The following ARHGAP5 variants were observed in gnomAD, a reference collection of about 807,000 sequenced individuals.
ARHGAP5 encodes the protein Rho GTPase activating protein 5, also known as rho GTPase-activating protein 5.
ARHGAP5 carries 23 observed loss-of-function variants against 116.6 expected under a neutral mutation model. The ratio of observed to expected loss-of-function variants is 0.20; its 90% CI spans 0.14 to 0.28. ARHGAP5 has a LOEUF of 0.28. Among genes scored for constraint, ARHGAP5 ranks in the 10% least tolerant of loss-of-function variants. The pLI, the probability that ARHGAP5 is intolerant of heterozygous loss-of-function variation, is 1.00. For synonymous variants in ARHGAP5, 574 were observed against 602.0 expected (o/e 0.95, Z 0.68); for missense variants, 1,405 against 1,774.8 (o/e 0.79, Z 3.74).
intron 3 of ARHGAP5, 28 bp from the exon 4 acceptor site, chr14:32,146,235 A>C (rs775705441): frequency 1.9e-5 from 29 of 1,519,654 alleles, no homozygotes; most frequent in Admixed American, 6.7e-5. Context: ...GTGTTTATTA[A>C]AGTATGCATA....
At chr14:32,148,163 A>AATCAATCT (rs1555359598) in intron 4 of ARHGAP5, among the ~76,000 whole-genome samples, 20 of 147,552 alleles carry the variant, frequency 1.4e-4, no homozygotes, top group Middle Eastern at 3.5e-3. Flanking sequence ...AAAAAAAAGA[A>AATCAATCT]ATCTATCTAT....
Position 32,089,232 on chromosome 14 carries a change from A to G in ARHGAP5, c.-168-1270A>G, listed in dbSNP as rs189598472. The stretch of plus-strand genomic sequence containing the variant: ...TCTTCACCATTAGTTAGTGTAACAT[A>G]TGTTCGGTGTAATTGAAATAGATGT... On this transcript the variant is annotated intron_variant, in intron 1 of 6. Transcript: ENST00000345122. Among the ~76,000 whole-genome samples, 5 of 152,076 alleles carry G rather than the reference A, an allele frequency of 3.3e-5. No individual in the cohort carries two copies. In the East Asian group the frequency reaches 9.7e-4, roughly 29 times the overall value.
At chr14:32,111,118 C>A (rs146924456) in intron 2 of ARHGAP5, among the ~76,000 whole-genome samples, 2 of 152,292 alleles carry the variant, frequency 1.3e-5, no homozygotes, top group East Asian at 3.9e-4. Context: ...AGAAGACAAT[C>A]AGAGCCTGGG....
intron 4 of ARHGAP5, among the ~76,000 whole-genome samples, chr14:32,147,725 CA>C (rs1377014123): frequency 1.3e-5 from 2 of 152,028 alleles, no homozygotes; most frequent in Non-Finnish European, 2.9e-5. Context: ...ACCAAGAAGC[CA>C]TGTAAAATAA....
At position 32,091,317 on chromosome 14, in the gene ARHGAP5, T is replaced by C. The variant is rs1391748605; in HGVS notation, c.648T>C (p.Ala216=). Residue 216 remains alanine, a synonymous_variant, in exon 2 of 7, where the codon GCT becomes GCC. Transcript: ENST00000345122. ...ATCTTAGAGAAGTTCAGGCATTTGC[T>C]TCAAATAAAAAGAACCTTCTTGTAG... ...DHYLREVQAF[A]SNKKNLLVVE... 2 of 1,613,580 alleles carry C rather than the reference T, an allele frequency of 1.2e-6. No individual in the cohort carries two copies. Among genetic ancestry groups the C allele is most frequent in the Middle Eastern group, 1.7e-4 (1 of 6,060 alleles).
chr14:32,154,527 A>G (rs1881803600), intron 6 of ARHGAP5, 94 bp from the exon 7 acceptor site: 1 of 1,086,104 alleles, frequency 9.2e-7, no homozygotes, highest in Non-Finnish European at 1.3e-6. Context: ...GTAGGATAAA[A>G]GGTAACATTA....
Position 32,158,934 on chromosome 14 carries a change from A to C in ARHGAP5, c.*3986A>C, listed in dbSNP as rs980019426. 6.6e-6 allele frequency: 1 copy of C among 152,020 alleles called. No homozygotes were observed. Among genetic ancestry groups the C allele is most frequent in the East Asian group, 1.9e-4 (1 of 5,198 alleles). 9.4% of individuals were successfully genotyped at this position (152,020 alleles called of 1,614,324 possible). A position where few individuals can be genotyped will look rare whatever the true frequency, so the allele number is the denominator to read the frequency against. On this transcript the variant is annotated 3_prime_UTR_variant, in exon 7 of 7. Coordinates refer to ENST00000345122, the MANE Select transcript of ARHGAP5 (RefSeq NM_001030055.2). ...TAACTTTGGGAGTCTTCACTATTCA[A>C]TTGATCCTCATCATTGTCCTATTTG...
chr14:32,143,001 T>G (rs1323504957), intron 3 of ARHGAP5, among the ~76,000 whole-genome samples: 2 of 152,210 alleles, frequency 1.3e-5, no homozygotes, highest in African/African-American at 4.8e-5. Flanking sequence ...TAATCTATTT[T>G]ATGACTTAAA....
chr14:32,125,612 A>G (rs1173023108), intron 3 of ARHGAP5, among the ~76,000 whole-genome samples: 1 of 152,202 alleles, frequency 6.6e-6, no homozygotes, highest in Non-Finnish European at 1.5e-5. Context: ...TAAGGGTTCA[A>G]ATTTCTCCAT....
At chr14:32,148,157 AAAAG>A (rs1881467842) in intron 4 of ARHGAP5, among the ~76,000 whole-genome samples, 1 of 128,840 alleles carries the variant, frequency 7.8e-6, no homozygotes, top group Non-Finnish European at 1.7e-5. Context: ...CATCTCAAAA[AAAAG>A]AAATCTATCT....
In ARHGAP5 at chr14:32,096,479, GCA is replaced by G. The variant is rs1221383352; in HGVS notation, c.3717+2095_3717+2096del. 5.3e-5 allele frequency among the ~76,000 whole-genome samples: 8 copies of G among 152,142 alleles called. No individual in the cohort carries two copies. In the East Asian group the frequency reaches 1.5e-3, roughly 29 times the overall value. The stretch of plus-strand genomic sequence containing the variant: ...GATGTGAGAAAAAAGGCATAAATAA[GCA>G]CTGAATAAAAAGGAGAACATAATTA... On this transcript the variant is annotated intron_variant, in intron 2 of 6. Coordinates refer to ENST00000345122, the MANE Select transcript of ARHGAP5 (RefSeq NM_001030055.2).
At chr14:32,146,196 C>A (rs1487571411) in intron 3 of ARHGAP5, 67 bp from the exon 4 acceptor site, 56 of 1,181,310 alleles carry the variant, frequency 4.7e-5, no homozygotes, top group Non-Finnish European at 6.2e-5. Context: ...CAAACATGAG[C>A]CACTGTGCCC....
At chr14:32,140,087 G>GTTTTTTTTTCTTTTTTTTTTTTTT (rs1881028802) in intron 3 of ARHGAP5, among the ~76,000 whole-genome samples, 1 of 29,854 alleles carries the variant, frequency 3.3e-5, no homozygotes, top group South Asian at 7.3e-4. Context: ...TTTTTTTTAG[G>GTTTTTTTTTCTTTTTTTTTTTTTT]TTATTTGTTC....
intron 3 of ARHGAP5, among the ~76,000 whole-genome samples, chr14:32,121,025 T>TTA (rs573694144): frequency 0.026 from 3,791 of 146,250 alleles, 170 homozygotes; most frequent in African/African-American, 0.089. Context: ...TTTTTTTTTT[T>TTA]TTTTTTTTGG....
In ARHGAP5 at chr14:32,158,285, A is replaced by C. The variant is rs1363087501; in HGVS notation, c.*3337A>C. 6.6e-6 allele frequency: 1 copy of C among 151,872 alleles called. No homozygotes were observed. The highest frequency in any genetic ancestry group is 1.9e-4 in the East Asian group (1 of 5,200). 9.4% of individuals were successfully genotyped at this position (151,872 alleles called of 1,614,324 possible). On this transcript the variant is annotated 3_prime_UTR_variant, in exon 7 of 7. Transcript: ENST00000345122. ...TATTATTGAATTTTCACTGTACCTG[A>C]AAAGGAGATTCAAAATTTTTTCTGG...
intron 2 of ARHGAP5, among the ~76,000 whole-genome samples, chr14:32,096,279 G>A (rs1878520826): frequency 6.6e-6 from 1 of 152,148 alleles, no homozygotes; most frequent in Non-Finnish European, 1.5e-5. Context: ...CCATACTGCT[G>A]CATAGTCTTT....
chr14:32,143,230 G>A (rs1312511296), intron 3 of ARHGAP5, among the ~76,000 whole-genome samples: 1,764 of 149,604 alleles, frequency 0.012, 41 homozygotes, highest in African/African-American at 0.043. Flanking sequence ...TGTTGTTGTT[G>A]TTGTTGTTGT....
At chr14:32,121,255 A>C (rs1879875723) in intron 3 of ARHGAP5, among the ~76,000 whole-genome samples, 1 of 151,794 alleles carries the variant, frequency 6.6e-6, no homozygotes, top group Admixed American at 6.6e-5. Context: ...CAATCTTCCC[A>C]CATATGTTTG....
At chr14:32,086,011 T>C (rs2041825813) in intron 1 of ARHGAP5, among the ~76,000 whole-genome samples, 1 of 152,210 alleles carries the variant, frequency 6.6e-6, no homozygotes, top group South Asian at 2.1e-4. Context: ...GGCACTGTTG[T>C]AGGCTTTTGA....
Sources: gnomAD v4.1 joint callset for allele counts (sites outside exome capture counted in the v4.1 genomes callset) on GRCh38, gnomAD v4.1.1 for gene constraint, MANE v1.5 for transcripts, NCBI Gene and HGNC (gene_info 2026-07-23, HGNC 2026-07-21) for gene names.